MS4A10: variants seen among roughly 807,000 people sequenced by gnomAD.
MS4A10 encodes the protein membrane spanning 4-domains A10.
MS4A10 carries 27 observed loss-of-function variants against 27.7 expected under a neutral mutation model. The ratio of observed to expected loss-of-function variants is 0.98; its 90% confidence interval spans 0.72 to 1.35. The LOEUF (loss-of-function observed/expected upper bound fraction) is 1.35, where lower values mean the gene tolerates loss of function less well. Among genes scored for constraint, MS4A10 ranks in the 40% most tolerant of loss-of-function variants. The pLI is 0.00. For synonymous variants in MS4A10, 139 were observed against 131.2 expected, an observed-to-expected ratio of 1.06 and a Z score of -0.41; for missense variants, 338 against 324.7, an observed-to-expected ratio of 1.04 and a Z score of -0.32.
intron 5 of MS4A10, among the ~76,000 whole-genome samples, chr11:60,794,920 A>G (rs1854499612): frequency 6.6e-6 from 1 of 152,116 alleles, no homozygotes; most frequent in Non-Finnish European, 1.5e-5. Context: ...CCTGACCTCT[A>G]GTGATCCTCC....
chr11:60,786,961 G>A (rs1565079518), intron 1 of MS4A10, among the ~76,000 whole-genome samples: 1 of 152,202 alleles, frequency 6.6e-6, no homozygotes, highest in Admixed American at 6.5e-5. Context: ...ACTTTGCACG[G>A]AGCACCCATT....
At chr11:60,794,161 G>A in intron 5 of MS4A10, 58 bp downstream of exon 5, 1 of 1,605,300 alleles carries the variant, frequency 6.2e-7, no homozygotes, top group South Asian at 1.1e-5. Flanking sequence ...CCTTGGATTT[G>A]GCCAACAGGA....
chr11:60,793,950 T>G lies in MS4A10; in HGVS notation c.361-22T>G, dbSNP rs757990565. The G allele has an allele frequency of 2.5e-6, 4 of 1,613,146 alleles. No homozygotes were observed. In the South Asian group the frequency reaches 4.4e-5, roughly 18 times the overall value. On this transcript the variant is annotated intron_variant, in intron 4 of 7. Coordinates refer to ENST00000308287, the MANE Select transcript of MS4A10 (RefSeq NM_206893.4). ...AGGTCTCCACCCTTTGGACAGCTGT[T>G]ACCTTTATTTTTCACCTATAGAAGA...
At chr11:60,787,403 CGAGA>C (rs1326557710) in intron 1 of MS4A10, among the ~76,000 whole-genome samples, 1 of 152,168 alleles carries the variant, frequency 6.6e-6, no homozygotes, top group Non-Finnish European at 1.5e-5. Context: ...GAAAGGCGTA[CGAGA>C]GAGTCATAAC....
intron 4 of MS4A10, 150 bp from the exon 5 acceptor site, chr11:60,793,822 G>C (rs1320082871): frequency 1.2e-6 from 1 of 833,870 alleles, no homozygotes. Context: ...GGGGCTGAGG[G>C]GCCAGTGACA....
At chr11:60,798,730 C>T (rs1854575722) in intron 7 of MS4A10, among the ~76,000 whole-genome samples, 1 of 152,226 alleles carries the variant, frequency 6.6e-6, no homozygotes, top group Non-Finnish European at 1.5e-5. Flanking sequence ...CCAGGAACAT[C>T]TCAGCACCTG....
intron 5 of MS4A10, among the ~76,000 whole-genome samples, chr11:60,794,718 C>T (rs959648743): frequency 1.3e-5 from 2 of 152,120 alleles, no homozygotes; most frequent in Non-Finnish European, 2.9e-5. Flanking sequence ...TCTTGTCACC[C>T]AGGCTGGAGT....
At chr11:60,795,420 G>C in intron 5 of MS4A10, 135 bp from the exon 6 acceptor site, 10 of 457,252 alleles carry the variant, frequency 2.2e-5, no homozygotes, top group South Asian at 1.1e-4. Context: ...CCTTCCCCAC[G>C]CACACCTGGG....
At chr11:60,793,050 G>A (rs544093895) in intron 4 of MS4A10, among the ~76,000 whole-genome samples, 15 of 152,308 alleles carry the variant, frequency 9.8e-5, no homozygotes, top group African/African-American at 3.1e-4. Context: ...GATGATGGAA[G>A]GAACATCCCT....
chr11:60,791,863 G>A (rs1462461185), intron 3 of MS4A10, among the ~76,000 whole-genome samples: 1 of 152,218 alleles, frequency 6.6e-6, no homozygotes, highest in Non-Finnish European at 1.5e-5. Flanking sequence ...CAGAGACCTT[G>A]GAAGCAAGAA....
intron 5 of MS4A10, 66 bp downstream of exon 5, chr11:60,794,169 G>C: frequency 6.3e-7 from 1 of 1,597,192 alleles, no homozygotes; most frequent in Non-Finnish European, 8.5e-7. Context: ...TTGGCCAACA[G>C]GAGGTTTCCA....
chr11:60,790,452 C>A lies in MS4A10; in HGVS notation c.117C>A (p.Pro39=). The change falls in exon 2 of 8, where the codon CCC becomes CCA. Residue 39 remains proline, a synonymous_variant. Coordinates refer to ENST00000308287, the MANE Select transcript of MS4A10 (RefSeq NM_206893.4). ...GTGCACCCCAGAACACGACCCAGCCCAAGCTCCTGGCTCCACACCAGCACG... is the reference window on the plus strand; with the variant it reads ...GTGCACCCCAGAACACGACCCAGCCAAAGCTCCTGGCTCCACACCAGCACG... ...QTSAPQNTTQ[P]KLLAPHQHEK... is the part of the protein sequence containing the mutation. 6.2e-7 allele frequency: 1 copy of A among 1,614,192 alleles called. No individual in the cohort carries two copies. Among genetic ancestry groups the A allele is most frequent in the South Asian group, 1.1e-5 (1 of 91,082 alleles).
In MS4A10 at chr11:60,791,025, G is replaced by A. The variant is rs766472691; in HGVS notation, c.235G>A (p.Ala79Thr). The change falls in exon 3 of 8, where the codon GCC becomes ACC. Residue 79 changes from alanine (A) to threonine (T), a missense_variant. Ala to Thr is a moderately conservative substitution (Grantham distance 58, BLOSUM62 0). Coordinates refer to ENST00000308287, the MANE Select transcript of MS4A10 (RefSeq NM_206893.4). ...LLHLVFGGYL[A>T]SIVKNLHLVV... is the part of the protein sequence containing the mutation. ...GCACCTGGTCTTTGGGGGCTACCTG[G>A]CCTCTATAGTCAAGAACCTTCACCT... 1 of 1,614,164 alleles carries A rather than the reference G, an allele frequency of 6.2e-7. No individual in the cohort carries two copies. The highest frequency in any genetic ancestry group is 8.5e-7 in the Non-Finnish European group (1 of 1,180,018).
Position 60,798,459 on chromosome 11 carries a change from C to T in MS4A10, c.667C>T (p.Pro223Ser). ...TCTCAAAGGCCTGCCGGTGGAGCCCCCGCCATCCTACCAGAGTGTGATTCA... is the reference window on the plus strand; with the variant it reads ...TCTCAAAGGCCTGCCGGTGGAGCCCTCGCCATCCTACCAGAGTGTGATTCA... ...LHLKGLPVEP[P>S]PSYQSVIQGD... Residue 223 changes from proline to serine, a missense_variant, in exon 7 of 8, where the codon CCG becomes TCG. Coordinates refer to ENST00000308287, the MANE Select transcript of MS4A10 (RefSeq NM_206893.4). 1 of 1,614,136 alleles carries T rather than the reference C, an allele frequency of 6.2e-7. No homozygotes were observed.
chr11:60,790,318 G>A lies in MS4A10; in HGVS notation c.-18G>A. 2 of 1,612,676 alleles carry A rather than the reference G, an allele frequency of 1.2e-6. No homozygotes were observed. The highest frequency in any genetic ancestry group is 1.7e-6 in the Non-Finnish European group (2 of 1,179,106). On this transcript the variant is annotated 5_prime_UTR_variant, in exon 2 of 8. Transcript: ENST00000308287. ...GCCTTCCTCCCCGTCCTGCAGCCAG[G>A]GCCCCCATCCAGCATCAATGAAAGC... is the stretch of plus-strand genomic sequence containing the variant.
intron 2 of MS4A10, 118 bp from the exon 3 acceptor site, chr11:60,790,856 G>C: frequency 7.1e-7 from 1 of 1,405,036 alleles, no homozygotes; most frequent in Non-Finnish European, 9.7e-7. Context: ...CCTGGTCTCT[G>C]GGATCCCTAA....
chr11:60,800,119 C>A lies in MS4A10; in HGVS notation c.*210C>A, dbSNP rs1591003621. The stretch of plus-strand genomic sequence containing the variant: ...TTGATGGCTCGATATCTGTGGTGGC[C>A]CAGATTGTTTTGTTTTGTTTCGCTT... On this transcript the variant is annotated 3_prime_UTR_variant, in exon 8 of 8. Coordinates refer to ENST00000308287, the MANE Select transcript of MS4A10 (RefSeq NM_206893.4). 4.7e-6 allele frequency: 3 copies of A among 640,316 alleles called. No homozygotes were observed. The highest frequency in any genetic ancestry group is 2.7e-5 in the East Asian group (1 of 37,142). The allele number at this position is 640,316 out of a possible 1,614,324, so 39.7% of individuals were successfully genotyped here. A position where few individuals can be genotyped will look rare whatever the true frequency, so the allele number is the denominator to read the frequency against.
rs748439603 is a variant in MS4A10, at chr11:60,790,435, C to T, written c.100C>T (p.Gln34Ter). 5.6e-6 allele frequency: 9 copies of T among 1,614,046 alleles called. No individual in the cohort carries two copies. The highest frequency in any genetic ancestry group is 7.6e-6 in the Non-Finnish European group (9 of 1,180,030). ...CCAGCCCTGGCAGACAAGTGCACCC[C>T]AGAACACGACCCAGCCCAAGCTCCT... Reference protein sequence around the residue: ...PVQPWQTSAPQNTTQPKLLAP... With the variant: ...PVQPWQTSAP Residue 34 changes from glutamine (Q) to a stop codon, truncating the protein, a stop_gained, in exon 2 of 8, where the codon CAG becomes TAG. Transcript: ENST00000308287. LOFTEE classifies it high-confidence loss of function.
intron 6 of MS4A10, among the ~76,000 whole-genome samples, chr11:60,797,753 T>C (rs534641744): frequency 1.4e-4 from 22 of 152,356 alleles, no homozygotes; most frequent in Non-Finnish European, 3.1e-4. Flanking sequence ...TGCTTCTCCC[T>C]ACTGCACTAG....
Sources: gnomAD v4.1 joint callset for allele counts (sites outside exome capture counted in the v4.1 genomes callset) on GRCh38, gnomAD v4.1.1 for gene constraint, MANE v1.5 for transcripts, NCBI Gene and HGNC (gene_info 2026-07-23, HGNC 2026-07-21) for gene names.